ADAMTSL1: variants seen among roughly 807,000 people sequenced by gnomAD.
ADAMTSL1 encodes the protein ADAMTS-like protein 1.
In ADAMTSL1, 126 loss-of-function variants were observed where a neutral mutation model predicts 201.8. The observed-to-expected ratio is 0.62, with a 90% CI of 0.54 to 0.72. The LOEUF is 0.72. ADAMTSL1 is among the 30% of genes least tolerant of loss of function. ADAMTSL1 has a pLI of 0.00. For synonymous variants in ADAMTSL1, 1,121 were observed against 903.4 expected (o/e 1.24, Z -4.32); for missense variants, 2,679 against 2,277.8 (o/e 1.18, Z -3.59).
chr9:18,145,055 G>A (rs903622928), intron 1 of ADAMTSL1, among the ~76,000 whole-genome samples: 2 of 152,174 alleles, frequency 1.3e-5, no homozygotes, highest in Non-Finnish European at 2.9e-5. Context: ...CCTCATTCTA[G>A]TTAAGGGTCT....
In ADAMTSL1 at chr9:18,662,013, C is replaced by T. The variant is rs745610882; in HGVS notation, c.1025C>T (p.Pro342Leu). The T allele has an allele frequency of 4.3e-6, 7 of 1,613,964 alleles. No homozygotes were observed. The highest frequency in any genetic ancestry group is 5.9e-6 in the Non-Finnish European group (7 of 1,179,964). The change falls in exon 9 of 29, where the codon CCA (proline) becomes CTA (leucine). Residue 342 changes from proline to leucine, a missense_variant. Coordinates refer to ENST00000380548, the MANE Select transcript of ADAMTSL1 (RefSeq NM_001040272.6). ...GCTGACCAATACTGTCACTATTACC[C>T]AGAGAACATCAAACCCAAACCCAAG... is the stretch of plus-strand genomic sequence containing the variant. The part of the protein sequence containing the change: ...VVADQYCHYY[P>L]ENIKPKPKLQ...
chr9:18,241,111 G>T (rs558799722), intron 2 of ADAMTSL1, among the ~76,000 whole-genome samples: 2 of 152,210 alleles, frequency 1.3e-5, no homozygotes, highest in Admixed American at 6.5e-5. Context: ...TTTCCTTCAA[G>T]AACTTTTCCT....
At chr9:18,735,604 G>T (rs1373957224) in intron 15 of ADAMTSL1, among the ~76,000 whole-genome samples, 2 of 152,108 alleles carry the variant, frequency 1.3e-5, no homozygotes, top group African/African-American at 4.8e-5. Flanking sequence ...GTCAGGAAAT[G>T]TATACTCTGG....
intron 2 of ADAMTSL1, among the ~76,000 whole-genome samples, chr9:18,462,790 T>C (rs1043137146): frequency 6.6e-6 from 1 of 151,002 alleles, no homozygotes; most frequent in African/African-American, 2.4e-5. Flanking sequence ...AATGAAAAAA[T>C]TAGTTGGGCA....
chr9:18,004,304 C>T (rs1290330526), intron 1 of ADAMTSL1, among the ~76,000 whole-genome samples: 2 of 151,992 alleles, frequency 1.3e-5, no homozygotes, highest in Non-Finnish European at 2.9e-5. Context: ...CTGAGGGATG[C>T]CATCTTCAGG....
At chr9:18,750,325 C>T (rs1009424709) in intron 15 of ADAMTSL1, among the ~76,000 whole-genome samples, 14 of 152,094 alleles carry the variant, frequency 9.2e-5, no homozygotes, top group Non-Finnish European at 5.9e-5. Context: ...TGTTCTGGCT[C>T]CTAACACAGT....
At position 18,253,883 on chromosome 9, in the gene ADAMTSL1, A is replaced by G. The variant is rs574963701; in HGVS notation, c.207+89902A>G. Among the ~76,000 whole-genome samples the G allele has an allele frequency of 2.0e-5, 3 of 152,356 alleles. No individual in the cohort carries two copies. In the East Asian group the frequency reaches 5.8e-4, roughly 29 times the overall value. ...TGGGACGAGGCAAGCACCAGCAGTG[A>G]TAATGGCATGCTTTTTGATGAGTCT... On this transcript the variant is annotated intron_variant, in intron 2 of 29. Transcript: ENST00000680146.
chr9:18,621,355 C>G (rs1489176288), intron 4 of ADAMTSL1, among the ~76,000 whole-genome samples: 1 of 152,094 alleles, frequency 6.6e-6, no homozygotes, highest in African/African-American at 2.4e-5. Flanking sequence ...CACGAGGAGT[C>G]TTTAGAACTC....
At chr9:18,872,309 G>A (rs981260208) in intron 23 of ADAMTSL1, among the ~76,000 whole-genome samples, 2 of 152,158 alleles carry the variant, frequency 1.3e-5, no homozygotes, top group African/African-American at 4.8e-5. Context: ...CAAGGGAAGA[G>A]GTTGGGATTA....
intron 2 of ADAMTSL1, among the ~76,000 whole-genome samples, chr9:18,170,365 G>T (rs1408354034): frequency 6.6e-6 from 1 of 151,864 alleles, no homozygotes; most frequent in Non-Finnish European, 1.5e-5. Context: ...AACAACCTGA[G>T]GTAGGAAATA....
chr9:18,903,376 A>G (rs563207651), intron 26 of ADAMTSL1, among the ~76,000 whole-genome samples: 1 of 152,336 alleles, frequency 6.6e-6, no homozygotes. Context: ...AATATGGTTC[A>G]TTTATGTAAA....
chr9:17,952,075 A>G (rs1827748828), intron 1 of ADAMTSL1, among the ~76,000 whole-genome samples: 1 of 151,596 alleles, frequency 6.6e-6, no homozygotes, highest in Admixed American at 6.6e-5. Flanking sequence ...TTGCTGGGAA[A>G]AGAGGTGTAT....
intron 1 of ADAMTSL1, among the ~76,000 whole-genome samples, chr9:18,139,192 C>T (rs946705219): frequency 6.6e-6 from 1 of 152,086 alleles, no homozygotes; most frequent in Non-Finnish European, 1.5e-5. Flanking sequence ...GTTGAAATGG[C>T]AATCTTTCGT....
chr9:18,236,185 C>T (rs1167197540), intron 2 of ADAMTSL1, among the ~76,000 whole-genome samples: 1 of 152,200 alleles, frequency 6.6e-6, no homozygotes, highest in East Asian at 1.9e-4. Flanking sequence ...ATTCTGCTCC[C>T]TCAGCCTCCT....
intron 1 of ADAMTSL1, among the ~76,000 whole-genome samples, chr9:17,938,618 A>C (rs1827107637): frequency 6.6e-6 from 1 of 152,182 alleles, no homozygotes; most frequent in Admixed American, 6.6e-5. Context: ...AAAACTGCAG[A>C]AAGTTGTCAG....
At chr9:18,369,678 A>G (rs200948592) in intron 2 of ADAMTSL1, among the ~76,000 whole-genome samples, 4 of 152,336 alleles carry the variant, frequency 2.6e-5, no homozygotes, top group South Asian at 4.1e-4. Context: ...ACAATATTGT[A>G]TCAAAAAATA....
chr9:18,388,602 T>A (rs2133211936), intron 2 of ADAMTSL1, among the ~76,000 whole-genome samples: 1 of 151,974 alleles, frequency 6.6e-6, no homozygotes, highest in East Asian at 1.9e-4. Context: ...GAATTTTCCT[T>A]TGCTGCCTTT....
chr9:18,777,971 C>T, intron 19 of ADAMTSL1, 65 bp downstream of exon 19: 3 of 1,506,340 alleles, frequency 2.0e-6, no homozygotes, highest in Non-Finnish European at 2.7e-6. Context: ...CCAAGTCACA[C>T]TACTTACACA....
At chr9:18,478,067 A>G (rs1821545049) in intron 1 of ADAMTSL1, among the ~76,000 whole-genome samples, 1 of 152,170 alleles carries the variant, frequency 6.6e-6, no homozygotes, top group Admixed American at 6.5e-5. Context: ...ATGCCCATTT[A>G]CTATTATGTA....
Sources: allele counts gnomAD v4.1 joint callset (sites outside exome capture counted in the v4.1 genomes callset), GRCh38; gene constraint gnomAD v4.1.1; transcripts MANE v1.5; gene names NCBI Gene and HGNC (gene_info 2026-07-23, HGNC 2026-07-21).